The following ZBTB20 variants were observed in gnomAD, a reference collection of about 807,000 sequenced individuals.
ZBTB20 encodes zinc finger and BTB domain containing 20.
ZBTB20 carries 9 observed loss-of-function variants against 56.9 expected under a neutral mutation model. That is an observed-to-expected ratio of 0.16 (90% CI 0.10 to 0.28). The LOEUF (loss-of-function observed/expected upper bound fraction) is 0.28, where lower values mean the gene tolerates loss of function less well. Ranked by LOEUF, ZBTB20 falls within the 10% of genes least tolerant of loss-of-function variation. ZBTB20 has a pLI of 1.00. For synonymous variants in ZBTB20, 417 were observed against 420.7 expected, an observed-to-expected ratio of 0.99 and a Z score of 0.11; for missense variants, 655 against 1,003.0, an observed-to-expected ratio of 0.65 and a Z score of 4.69.
intron 6 of ZBTB20, among the ~76,000 whole-genome samples, chr3:114,590,533 A>C (rs991341520): frequency 2.0e-5 from 3 of 150,374 alleles, no homozygotes; most frequent in African/African-American, 7.3e-5. Context: ...AAAAATAAAC[A>C]AAAATAAAAA....
intron 5 of ZBTB20, among the ~76,000 whole-genome samples, chr3:114,748,352 T>TCTTTCTTTTCTCTCTC (rs374192570): frequency 2.1e-5 from 1 of 48,578 alleles, no homozygotes; most frequent in Admixed American, 2.6e-4. Flanking sequence ...TTTCTTTCTT[T>TCTTTCTTTTCTCTCTC]TCTCTCTCTC....
chr3:114,500,466 T>C (rs1243614225), intron 6 of ZBTB20, 75 bp from the exon 7 acceptor site: 2 of 151,972 alleles, frequency 1.3e-5, no homozygotes, highest in African/African-American at 4.8e-5. Context: ...AAAAGCAAAA[T>C]GATACAGTGG....
chr3:114,431,416 A>G (rs2090110817), intron 7 of ZBTB20, among the ~76,000 whole-genome samples: 1 of 152,230 alleles, frequency 6.6e-6, no homozygotes, highest in Admixed American at 6.5e-5. Flanking sequence ...ACGATTATTC[A>G]AGAAATAATG....
chr3:114,944,115 T>A (rs1274979248), intron 3 of ZBTB20, among the ~76,000 whole-genome samples: 4 of 145,134 alleles, frequency 2.8e-5, no homozygotes, highest in Admixed American at 2.0e-4. Flanking sequence ...ACTACCAACC[T>A]AAGAAACCCA....
intron 7 of ZBTB20, among the ~76,000 whole-genome samples, chr3:114,428,911 G>C (rs1029386536): frequency 1.3e-5 from 2 of 152,148 alleles, no homozygotes; most frequent in East Asian, 3.9e-4. Context: ...TAGCAGTAAT[G>C]AATTTACAGA....
chr3:114,402,782 C>T (rs2086937343), intron 7 of ZBTB20, among the ~76,000 whole-genome samples: 4 of 152,146 alleles, frequency 2.6e-5, no homozygotes, highest in African/African-American at 9.6e-5. Flanking sequence ...GCTTTCCCCC[C>T]TAGCTACTGT....
chr3:114,691,802 ATTACT>A lies in ZBTB20; in HGVS notation c.-295+1721_-295+1725del, dbSNP rs540618534. ...TGATTGGATTTAAATTATAGAAATA[ATTACT>A]TTAATTTTTCTTCATTTTACTCCTA... On this transcript the variant is annotated intron_variant, in intron 6 of 11. Transcript: ENST00000675478. 3.4e-3 allele frequency among the ~76,000 whole-genome samples: 510 copies of A among 152,224 alleles called. 3 individuals carry two copies. The highest frequency in any genetic ancestry group is 0.012 in the African/African-American group (482 of 41,552).
chr3:114,762,404 T>A (rs1273732928), intron 5 of ZBTB20, among the ~76,000 whole-genome samples: 1 of 152,284 alleles, frequency 6.6e-6, no homozygotes, highest in South Asian at 2.1e-4. Context: ...TGACATTGAC[T>A]AAGTCCAGCC....
intron 4 of ZBTB20, among the ~76,000 whole-genome samples, chr3:114,894,651 C>A (rs1257186859): frequency 2.0e-5 from 3 of 152,072 alleles, no homozygotes; most frequent in African/African-American, 7.2e-5. Context: ...AGAGGGAAGA[C>A]AGAGGAAGAC....
chr3:114,639,659 T>C (rs1256370180), intron 6 of ZBTB20, among the ~76,000 whole-genome samples: 2 of 152,066 alleles, frequency 1.3e-5, no homozygotes, highest in African/African-American at 2.4e-5. Flanking sequence ...AGGTGGATGA[T>C]AAGTAATCTT....
At chr3:114,569,581 T>C (rs2053191618) in intron 6 of ZBTB20, among the ~76,000 whole-genome samples, 2 of 152,244 alleles carry the variant, frequency 1.3e-5, no homozygotes, top group Non-Finnish European at 2.9e-5. Context: ...CTAATAGTTC[T>C]GAATAAAGAT....
intron 2 of ZBTB20, among the ~76,000 whole-genome samples, chr3:115,001,410 G>C (rs578211613): frequency 6.6e-6 from 1 of 151,306 alleles, no homozygotes; most frequent in East Asian, 2.0e-4. Context: ...ATGAGCTGTT[G>C]ACCAATAGCA....
At chr3:114,739,661 T>G (rs2066435626) in intron 5 of ZBTB20, among the ~76,000 whole-genome samples, 1 of 152,198 alleles carries the variant, frequency 6.6e-6, no homozygotes, top group Admixed American at 6.5e-5. Flanking sequence ...TCAAAACAAT[T>G]TTAGATCTTA....
chr3:114,613,017 G>T (rs888801085), intron 6 of ZBTB20, among the ~76,000 whole-genome samples: 2 of 152,174 alleles, frequency 1.3e-5, no homozygotes, highest in African/African-American at 4.8e-5. Context: ...AAGGGCATCA[G>T]ATTAAAATGC....
chr3:114,710,398 T>C (rs1004878572), intron 5 of ZBTB20: 1 of 152,182 alleles, frequency 6.6e-6, no homozygotes, highest in Admixed American at 6.5e-5. Context: ...GTCTCATGTA[T>C]CCAACTGCCT....
chr3:114,679,081 T>C (rs1275563538), intron 6 of ZBTB20, among the ~76,000 whole-genome samples: 1 of 152,208 alleles, frequency 6.6e-6, no homozygotes, highest in Non-Finnish European at 1.5e-5. Flanking sequence ...GCTAGTCATA[T>C]GCAGAAAAAT....
rs183092970 is a variant in ZBTB20, at chr3:114,407,857, T to C, written c.-254-18752A>G. Among the ~76,000 whole-genome samples the C allele has an allele frequency of 4.1e-4, 62 of 151,004 alleles. 1 individual carries two copies. Among genetic ancestry groups the C allele is most frequent in the Admixed American group, 3.5e-3 (53 of 15,174 alleles). ...AAAATAGGATTTCTAAGCAAACTAATAACCTTAAAACTGTTGGGAGGAAGG... is the reference window on the plus strand; with the variant it reads ...AAAATAGGATTTCTAAGCAAACTAACAACCTTAAAACTGTTGGGAGGAAGG... On this transcript the variant is annotated intron_variant, in intron 7 of 11. Transcript: ENST00000675478.
intron 6 of ZBTB20, among the ~76,000 whole-genome samples, chr3:114,532,890 C>T (rs1434189707): frequency 6.6e-6 from 1 of 152,186 alleles, no homozygotes; most frequent in Non-Finnish European, 1.5e-5. Context: ...AGACCTGCAG[C>T]AGAGATGCCA....
chr3:114,966,837 A>C (rs1175049214), intron 3 of ZBTB20, among the ~76,000 whole-genome samples: 2 of 152,166 alleles, frequency 1.3e-5, no homozygotes, highest in African/African-American at 4.8e-5. Flanking sequence ...ACATAAAGTT[A>C]AATATTTTTT....
Sources: allele counts gnomAD v4.1 joint callset (sites outside exome capture counted in the v4.1 genomes callset), GRCh38; gene constraint gnomAD v4.1.1; transcripts MANE v1.5; gene names NCBI Gene and HGNC (gene_info 2026-07-23, HGNC 2026-07-21).